The following FAM219A variants were observed in gnomAD, a reference collection of about 807,000 sequenced individuals.
The protein encoded by FAM219A is protein FAM219A.
A neutral mutation model predicts 23.4 loss-of-function variants in FAM219A; 7 were observed. The ratio of observed to expected loss-of-function variants is 0.30; its 90% CI spans 0.17 to 0.56. The LOEUF is 0.56. Among genes scored for constraint, FAM219A ranks in the 20% least tolerant of loss-of-function variants. FAM219A has a pLI of 0.92. For synonymous variants in FAM219A, 93 were observed against 99.0 expected, an observed-to-expected ratio of 0.94 and a Z score of 0.36; for missense variants, 166 against 246.9, an observed-to-expected ratio of 0.67 and a Z score of 2.20.
intron 1 of FAM219A, among the ~76,000 whole-genome samples, chr9:34,418,280 T>C (rs1394159075): frequency 6.6e-6 from 1 of 152,208 alleles, no homozygotes; most frequent in Non-Finnish European, 1.5e-5. Flanking sequence ...TTTAGAATCC[T>C]GCTCTGCTTC....
At chr9:34,429,807 G>C (rs1031053301) in intron 1 of FAM219A, among the ~76,000 whole-genome samples, 1 of 152,180 alleles carries the variant, frequency 6.6e-6, no homozygotes, top group African/African-American at 2.4e-5. Context: ...GTCCAGTGAT[G>C]GCTCATGAAA....
Position 34,417,743 on chromosome 9 carries a change from G to A in FAM219A, c.61-11779C>T, listed in dbSNP as rs1317147443. On this transcript the variant is annotated intron_variant, in intron 1 of 5. Coordinates refer to ENST00000651358, the MANE Select transcript of FAM219A (RefSeq NM_001184940.2). This position sits in a 1 kb window ranked among gnomAD's most constrained non-coding sequence, Gnocchi z 4.1. Reference sequence around the variant, plus strand: ...ACCCATTATCTTCCATGAGAGCTCTGTTCCAGTCCTCATTTACCTGGTTCC... The same window carrying A: ...ACCCATTATCTTCCATGAGAGCTCTATTCCAGTCCTCATTTACCTGGTTCC... 6.6e-6 allele frequency among the ~76,000 whole-genome samples: 1 copy of A among 152,152 alleles called. No individual in the cohort carries two copies. Among genetic ancestry groups the A allele is most frequent in the African/African-American group, 2.4e-5 (1 of 41,424 alleles).
chr9:34,417,522 T>C lies in FAM219A; in HGVS notation c.61-11558A>G, dbSNP rs1243100247. On this transcript the variant is annotated intron_variant, in intron 1 of 5. Transcript: ENST00000651358. This position sits in a 1 kb window ranked among gnomAD's most constrained non-coding sequence, Gnocchi z 4.1. ...ACTGAAATCCACATATATTTACATTTAGGATCATTTCCTAAATAAAGTAGA... is the reference window on the plus strand; with the variant it reads ...ACTGAAATCCACATATATTTACATTCAGGATCATTTCCTAAATAAAGTAGA... 6.6e-6 allele frequency among the ~76,000 whole-genome samples: 1 copy of C among 152,230 alleles called. No homozygotes were observed. The highest frequency in any genetic ancestry group is 1.5e-5 in the Non-Finnish European group (1 of 68,046).
chr9:34,435,681 A>G (rs1822878458), intron 1 of FAM219A, among the ~76,000 whole-genome samples: 1 of 152,254 alleles, frequency 6.6e-6, no homozygotes, highest in Admixed American at 6.5e-5. Context: ...AAATGCATCT[A>G]TCATGAATAT....
intron 1 of FAM219A, among the ~76,000 whole-genome samples, chr9:34,447,062 T>C (rs1057404159): frequency 2.6e-4 from 39 of 152,252 alleles, no homozygotes; most frequent in Admixed American, 2.6e-4. Context: ...TAGATTCCTA[T>C]TGAAATTCTG....
chr9:34,401,851 C>G, intron 4 of FAM219A, 131 bp from the exon 5 acceptor site: 1 of 954,962 alleles, frequency 1.0e-6, no homozygotes, highest in East Asian at 2.6e-5. Context: ...TCAATACGAA[C>G]TGTGCTTGCT....
At chr9:34,454,225 C>T (rs578222460) in intron 1 of FAM219A, among the ~76,000 whole-genome samples, 1 of 152,136 alleles carries the variant, frequency 6.6e-6, no homozygotes, top group African/African-American at 2.4e-5. Flanking sequence ...ATCATGAGGT[C>T]GAGAGATTGA....
Position 34,399,291 on chromosome 9 carries a change from C to T in FAM219A, c.*1673G>A, listed in dbSNP as rs1821338072. 6.6e-6 allele frequency: 1 copy of T among 152,230 alleles called. No homozygotes were observed. Among genetic ancestry groups the T allele is most frequent in the Non-Finnish European group, 1.5e-5 (1 of 68,088 alleles). The allele number at this position is 152,230 out of a possible 1,614,324, so 9.4% of individuals were successfully genotyped here. A position where few individuals can be genotyped will look rare whatever the true frequency, so the allele number is the denominator to read the frequency against. ...GGCTATCTGTGCTTTCATTTTTCTTCACACGGTGGCAGGTCTACACTGCCC... is the reference window on the plus strand; with the variant it reads ...GGCTATCTGTGCTTTCATTTTTCTTTACACGGTGGCAGGTCTACACTGCCC... On this transcript the variant is annotated 3_prime_UTR_variant, in exon 6 of 6. Transcript: ENST00000651358.
At chr9:34,447,569 G>T (rs192294144) in intron 1 of FAM219A, among the ~76,000 whole-genome samples, 176 of 152,334 alleles carry the variant, frequency 1.2e-3, no homozygotes, top group Non-Finnish European at 1.8e-3. Flanking sequence ...CGCTAAGGCT[G>T]TATAACCTAT....
At position 34,398,350 on chromosome 9, in the gene FAM219A, T is replaced by G. The variant is rs1588023957; in HGVS notation, c.*2614A>C. 6.4e-7 allele frequency: 1 copy of G among 1,550,542 alleles called. No homozygotes were observed. The highest frequency in any genetic ancestry group is 8.7e-7 in the Non-Finnish European group (1 of 1,146,954). On this transcript the variant is annotated 3_prime_UTR_variant, in exon 6 of 6. Coordinates refer to ENST00000651358, the MANE Select transcript of FAM219A (RefSeq NM_001184940.2). ...GTGAGCACGGAGAAACCTGGCTGGGTGGCAGCCACAGCTGAGAGAGGAGGG... is the reference window on the plus strand; with the variant it reads ...GTGAGCACGGAGAAACCTGGCTGGGGGGCAGCCACAGCTGAGAGAGGAGGG...
intron 1 of FAM219A, among the ~76,000 whole-genome samples, chr9:34,440,037 A>T (rs532529857): frequency 6.6e-6 from 1 of 152,314 alleles, no homozygotes; most frequent in Admixed American, 6.5e-5. Context: ...AAACAGAATG[A>T]GGCCCTCTGG....
intron 1 of FAM219A, among the ~76,000 whole-genome samples, chr9:34,425,501 C>T (rs1045871026): frequency 2.6e-5 from 4 of 152,148 alleles, no homozygotes; most frequent in Admixed American, 2.0e-4. Context: ...ATAAAATAAA[C>T]AAATGAATAA....
rs745473472 is a variant in FAM219A at position 34,400,954 on chromosome 9, G to T, written c.*10C>A. ...CGGCCCCGCCCCGGCGACCGCAGTG[G>T]CCCCGCCCGCTACTGAATGTGGCAG... On this transcript the variant is annotated 3_prime_UTR_variant, in exon 6 of 6. Coordinates refer to ENST00000651358, the MANE Select transcript of FAM219A (RefSeq NM_001184940.2). 23 of 1,530,888 alleles carry T rather than the reference G, an allele frequency of 1.5e-5. No homozygotes were observed. The highest frequency in any genetic ancestry group is 2.0e-5 in the Non-Finnish European group (23 of 1,134,396). The allele number at this position is 1,530,888 out of a possible 1,614,324, so 94.8% of individuals were successfully genotyped here. A position where few individuals can be genotyped will look rare whatever the true frequency, so the allele number is the denominator to read the frequency against.
At chr9:34,426,493 T>C (rs548434662) in intron 1 of FAM219A, among the ~76,000 whole-genome samples, 1 of 152,216 alleles carries the variant, frequency 6.6e-6, no homozygotes. Context: ...TAGCTGCAAA[T>C]TGTCTGGATC....
intron 1 of FAM219A, among the ~76,000 whole-genome samples, chr9:34,415,382 T>G (rs1472635009): frequency 1.3e-5 from 2 of 152,210 alleles, no homozygotes; most frequent in African/African-American, 2.4e-5. Flanking sequence ...CGCCAAGCCT[T>G]AGTATCTTTA....
intron 1 of FAM219A, among the ~76,000 whole-genome samples, chr9:34,416,213 A>T (rs549225190): frequency 0.038 from 4,886 of 127,422 alleles, 233 homozygotes; most frequent in Non-Finnish European, 0.053. Context: ...GAAAGAAAGA[A>T]AGAAAGAAAG....
intron 2 of FAM219A, among the ~76,000 whole-genome samples, chr9:34,404,483 G>A (rs930245425): frequency 3.3e-5 from 5 of 152,164 alleles, no homozygotes; most frequent in Non-Finnish European, 2.9e-5. Context: ...CGAGGTGGGC[G>A]GATCACTTGA....
chr9:34,412,405 A>G (rs1490836490), intron 1 of FAM219A, among the ~76,000 whole-genome samples: 2 of 152,320 alleles, frequency 1.3e-5, no homozygotes, highest in Admixed American at 1.3e-4. Flanking sequence ...TTAAATGCAG[A>G]AGAAGGCACA....
intron 2 of FAM219A, among the ~76,000 whole-genome samples, chr9:34,404,107 T>C (rs1472237721): frequency 6.6e-6 from 1 of 152,326 alleles, no homozygotes; most frequent in East Asian, 1.9e-4. Flanking sequence ...AAAAGCATGC[T>C]GAAATTGTTT....
Sources: allele counts gnomAD v4.1 joint callset (sites outside exome capture counted in the v4.1 genomes callset), GRCh38; gene constraint gnomAD v4.1.1; non-coding constraint Gnocchi (gnomAD v3.1); transcripts MANE v1.5; gene names NCBI Gene and HGNC (gene_info 2026-07-23, HGNC 2026-07-21).